Variants in DLGAP2 observed in about 807,000 individuals in gnomAD.
DLGAP2 encodes disks large-associated protein 2.
In DLGAP2, 26 loss-of-function variants were observed where a neutral mutation model predicts 100.3. The observed-to-expected ratio is 0.26, with a 90% CI of 0.19 to 0.36. The LOEUF (loss-of-function observed/expected upper bound fraction) is 0.36. DLGAP2 is among the 10% of genes least tolerant of loss of function. DLGAP2 has a pLI of 1.00. For synonymous variants in DLGAP2, 886 were observed against 630.1 expected (o/e 1.41, Z -6.08); for missense variants, 1,858 against 1,453.2 (o/e 1.28, Z -4.53).
chr8:1,234,201 C>T (rs537056574), intron 2 of DLGAP2, among the ~76,000 whole-genome samples: 1 of 152,212 alleles, frequency 6.6e-6, no homozygotes, highest in Non-Finnish European at 1.5e-5. Context: ...AGGTGGTGCA[C>T]CTGTCTGCTG....
At position 774,261 on chromosome 8, in the gene DLGAP2, C is replaced by T. The variant is rs1047085628; in HGVS notation, c.18+36436C>T. ...TTCTGGATATTAGCCCTTTGTCAGA[C>T]GAGTAGGTTGCGAAAATTTTCTCCC... On this transcript the variant is annotated intron_variant, in intron 1 of 14. Transcript: ENST00000637795. Among the ~76,000 whole-genome samples the T allele has an allele frequency of 4.1e-3, 619 of 152,150 alleles. 2 individuals carry two copies. The highest frequency in any genetic ancestry group is 0.014 in the African/African-American group (570 of 41,482).
intron 6 of DLGAP2, chr8:1,621,223 G>A (rs1443549729): frequency 6.6e-6 from 1 of 152,328 alleles, no homozygotes; most frequent in Non-Finnish European, 1.5e-5. Context: ...CCCAGTCCTG[G>A]TTATAGCAAA....
chr8:1,415,026 GAAA>G (rs374531889), intron 3 of DLGAP2, among the ~76,000 whole-genome samples: 1 of 151,906 alleles, frequency 6.6e-6, no homozygotes, highest in Non-Finnish European at 1.5e-5. Context: ...AAAAAAAGAA[GAAA>G]AAAAATCAAG....
intron 3 of DLGAP2, among the ~76,000 whole-genome samples, chr8:1,498,379 TA>T (rs55865222): frequency 0.54 from 80,288 of 148,836 alleles, 23,605 homozygotes; most frequent in South Asian, 0.7. Flanking sequence ...GCAAAATAAA[TA>T]AAAAAAAAAA....
chr8:1,200,742 T>G (rs1163412631), intron 2 of DLGAP2, among the ~76,000 whole-genome samples: 1 of 151,812 alleles, frequency 6.6e-6, no homozygotes, highest in African/African-American at 2.4e-5. Flanking sequence ...GGATTCGGAC[T>G]TACAGAGCTG....
At position 748,842 on chromosome 8, in the gene DLGAP2, G is replaced by A. The variant is rs575195539; in HGVS notation, c.18+11017G>A. ...CCCCGGGGTTACTGCTTTGTTGTGC[G>A]GCGCGGAGACCTTTCGTTGGCTGCC... On this transcript the variant is annotated intron_variant, in intron 1 of 14. Coordinates refer to ENST00000637795, the MANE Select transcript of DLGAP2 (RefSeq NM_001346810.2). 5.9e-5 allele frequency among the ~76,000 whole-genome samples: 9 copies of A among 152,278 alleles called. No individual in the cohort carries two copies. The South Asian group carries it at 1.9e-3, about 32-fold the overall frequency.
intron 3 of DLGAP2, among the ~76,000 whole-genome samples, chr8:1,496,676 G>C (rs1037245834): frequency 6.6e-5 from 10 of 152,192 alleles, no homozygotes; most frequent in Admixed American, 3.9e-4. Context: ...GGCCACAGGG[G>C]AGCAGGACAG....
chr8:1,391,418 A>G (rs1796351823), intron 3 of DLGAP2, among the ~76,000 whole-genome samples: 1 of 152,214 alleles, frequency 6.6e-6, no homozygotes, highest in Non-Finnish European at 1.5e-5. Flanking sequence ...CAGGGACACC[A>G]GGCTGTGGCT....
At chr8:898,510 A>G (rs1419446982) in intron 1 of DLGAP2, among the ~76,000 whole-genome samples, 2 of 151,970 alleles carry the variant, frequency 1.3e-5, no homozygotes, top group African/African-American at 4.8e-5. Context: ...CCTCTCATCC[A>G]TTTCTCTAGT....
intron 3 of DLGAP2, among the ~76,000 whole-genome samples, chr8:1,286,558 C>T (rs1799926314): frequency 6.6e-6 from 1 of 152,138 alleles, no homozygotes; most frequent in African/African-American, 2.4e-5. Context: ...TGCGGAGGTG[C>T]TTGACAGTGA....
At chr8:1,269,457 G>A (rs1033112664) in intron 3 of DLGAP2, among the ~76,000 whole-genome samples, 44 of 152,320 alleles carry the variant, frequency 2.9e-4, no homozygotes, top group Admixed American at 1.3e-3. Flanking sequence ...CAGGGCTTGT[G>A]TTTACACATT....
intron 8 of DLGAP2, among the ~76,000 whole-genome samples, chr8:1,650,073 G>T (rs1798128142): frequency 6.6e-6 from 1 of 152,184 alleles, no homozygotes. Flanking sequence ...TCTTTCAGTG[G>T]CAGGATATGC....
chr8:1,215,350 G>C (rs73542182), intron 2 of DLGAP2, among the ~76,000 whole-genome samples: 11,371 of 146,316 alleles, frequency 0.078, 795 homozygotes, highest in African/African-American at 0.22. Context: ...CTGGTTGAGA[G>C]CTGAGATCTA....
intron 3 of DLGAP2, among the ~76,000 whole-genome samples, chr8:1,318,778 G>GCCCCCCCCCCCC (rs34614425): frequency 6.6e-5 from 7 of 105,574 alleles, no homozygotes; most frequent in African/African-American, 2.1e-4. Flanking sequence ...TCAGTGATCA[G>GCCCCCCCCCCCC]CCCCCCCCCC....
At chr8:795,909 CA>C in intron 1 of DLGAP2, among the ~76,000 whole-genome samples, 2 of 126,006 alleles carry the variant, frequency 1.6e-5, no homozygotes, top group Admixed American at 8.6e-5. Context: ...AGCAGCTGTC[CA>C]GTGAGAACAG....
At chr8:1,621,050 G>A (rs1336122492) in intron 6 of DLGAP2, 1 of 152,196 alleles carries the variant, frequency 6.6e-6, no homozygotes, top group East Asian at 1.9e-4. Context: ...TCCAGTCTTT[G>A]TCCCCAACAC....
intron 3 of DLGAP2, among the ~76,000 whole-genome samples, chr8:1,367,235 ACTTC>A (rs1802130229): frequency 1.3e-5 from 2 of 152,226 alleles, no homozygotes; most frequent in African/African-American, 4.8e-5. Context: ...TAGCCTGGTG[ACTTC>A]CTAGGAGTCA....
chr8:1,651,794 C>A (rs1163939543), intron 8 of DLGAP2, among the ~76,000 whole-genome samples: 1 of 152,154 alleles, frequency 6.6e-6, no homozygotes, highest in African/African-American at 2.4e-5. Flanking sequence ...GGTATGTGCT[C>A]ATCAGAAGTA....
At chr8:1,237,597 A>C (rs1585178820) in intron 2 of DLGAP2, among the ~76,000 whole-genome samples, 1 of 142,438 alleles carries the variant, frequency 7.0e-6, no homozygotes, top group Admixed American at 6.9e-5. Context: ...TAGTTCTCTC[A>C]CATGGCGCCG....
Sources: gnomAD v4.1 joint callset for allele counts (sites outside exome capture counted in the v4.1 genomes callset) on GRCh38, gnomAD v4.1.1 for gene constraint, MANE v1.5 for transcripts, NCBI Gene and HGNC (gene_info 2026-07-23, HGNC 2026-07-21) for gene names.